Variants in MTUS2 observed in about 807,000 individuals in gnomAD.
The protein encoded by MTUS2 is microtubule-associated tumor suppressor candidate 2.
MTUS2 carries 40 observed loss-of-function variants against 114.1 expected under a neutral mutation model. That is an observed-to-expected ratio of 0.35 (90% CI 0.27 to 0.46). The LOEUF is 0.46. MTUS2 is among the 20% of genes least tolerant of loss of function. The probability of loss-of-function intolerance (pLI) is 1.00; values close to 1 mark genes in which losing one functional copy is unlikely to be tolerated. For missense variants in MTUS2, 1,679 were observed against 1,705.4 expected, an observed-to-expected ratio of 0.98 and a Z score of 0.27; for synonymous variants, 688 against 672.0, an observed-to-expected ratio of 1.02 and a Z score of -0.37.
intron 9 of MTUS2, among the ~76,000 whole-genome samples, chr13:29,442,740 G>A (rs1203867708): frequency 6.6e-6 from 1 of 152,240 alleles, no homozygotes; most frequent in Non-Finnish European, 1.5e-5. Context: ...CACACAGTTT[G>A]CAAACCACAG....
intron 11 of MTUS2, among the ~76,000 whole-genome samples, chr13:29,491,906 A>AGTGTGTGTATGTGAT (rs1882146770): frequency 1.0e-5 from 1 of 99,040 alleles, no homozygotes; most frequent in African/African-American, 4.0e-5. Flanking sequence ...CGTGGCGTGT[A>AGTGTGTGTATGTGAT]GTGTGTGTAT....
Position 29,503,083 on chromosome 13 carries a change from G to C in MTUS2, c.3987G>C (p.Leu1329=). The C allele has an allele frequency of 6.2e-7, 1 of 1,614,244 alleles. No homozygotes were observed. The highest frequency in any genetic ancestry group is 8.5e-7 in the Non-Finnish European group (1 of 1,180,046). The part of the protein sequence containing the change: ...KKRLSRTNEE[L]LWKLQTGDPT... ...GATTGAGCCGAACCAATGAAGAGCTGCTTTGGAAGCTCCAAACTGGGGACC... is the reference window on the plus strand; with the variant it reads ...GATTGAGCCGAACCAATGAAGAGCTCCTTTGGAAGCTCCAAACTGGGGACC... The change falls in exon 16 of 16, where the codon CTG becomes CTC. Residue 1329 remains leucine, a synonymous_variant. Transcript: ENST00000612955.
At chr13:29,156,964 C>T (rs1178778563) in intron 5 of MTUS2, among the ~76,000 whole-genome samples, 2 of 152,120 alleles carry the variant, frequency 1.3e-5, no homozygotes, top group Middle Eastern at 3.2e-3. Flanking sequence ...ATAGTATTGT[C>T]TTTAGAGTCT....
chr13:29,324,653 A>C lies in MTUS2; in HGVS notation c.2847A>C (p.Lys949Asn), dbSNP rs769405689. The change falls in exon 7 of 16, where the codon AAA becomes AAC. Residue 949 changes from lysine (K) to asparagine (N), a missense_variant. By Grantham distance (94) the Lys-to-Asn change is moderately conservative (BLOSUM62 0). Transcript: ENST00000612955. Reference sequence around the variant, plus strand: ...CTCAGAAAGATCAAGATACGAATAAACCTGCTGTTTCATCTCCTAAGAGAG... The same window carrying C: ...CTCAGAAAGATCAAGATACGAATAACCCTGCTGTTTCATCTCCTAAGAGAG... ...KDAQKDQDTNKPAVSSPKRVA... is the reference protein window; with the variant it reads ...KDAQKDQDTNNPAVSSPKRVA... The C allele has an allele frequency of 1.3e-6, 2 of 1,596,676 alleles. No individual in the cohort carries two copies. The highest frequency in any genetic ancestry group is 2.3e-5 in the South Asian group (2 of 87,438).
At chr13:28,984,583 GC>G (rs1209935463) in intron 2 of MTUS2, among the ~76,000 whole-genome samples, 2 of 152,172 alleles carry the variant, frequency 1.3e-5, no homozygotes, top group Non-Finnish European at 2.9e-5. Flanking sequence ...TTGTTTGGAA[GC>G]CCCGTTCTGG....
At chr13:28,855,535 T>G (rs1221867742) in intron 2 of MTUS2, among the ~76,000 whole-genome samples, 1 of 152,222 alleles carries the variant, frequency 6.6e-6, no homozygotes, top group Non-Finnish European at 1.5e-5. Context: ...TTTGGTTTTC[T>G]GTTCCTGTGT....
chr13:29,189,654 T>A (rs373426914), intron 5 of MTUS2, among the ~76,000 whole-genome samples: 95 of 151,982 alleles, frequency 6.3e-4, no homozygotes, highest in African/African-American at 2.1e-3. Context: ...GTCTTGTTTG[T>A]TTTACTTTAT....
chr13:29,004,752 T>C (rs570318619), intron 2 of MTUS2, among the ~76,000 whole-genome samples: 5 of 152,356 alleles, frequency 3.3e-5, no homozygotes, highest in Admixed American at 3.3e-4. Flanking sequence ...GAACCTGCCA[T>C]GGGTGAGGCC....
At position 29,276,926 on chromosome 13, in the gene MTUS2, A is replaced by G. The variant is rs188124317; in HGVS notation, c.2645-4778A>G. On this transcript the variant is annotated intron_variant, in intron 5 of 15. Coordinates refer to ENST00000612955, the MANE Select transcript of MTUS2 (RefSeq NM_001033602.4). ...TAAATAAATAAATAAATAAATGAAT[A>G]AATAAATAAATAAGAAAAAAGAATA... 5.1e-3 allele frequency among the ~76,000 whole-genome samples: 774 copies of G among 152,048 alleles called. 10 individuals are homozygous for G. The highest frequency in any genetic ancestry group is 4.9e-3 in the Non-Finnish European group (332 of 67,968).
chr13:28,827,619 C>T (rs137874238), intron 1 of MTUS2, among the ~76,000 whole-genome samples: 84 of 152,218 alleles, frequency 5.5e-4, no homozygotes, highest in African/African-American at 1.8e-3. Context: ...CAATATTTGA[C>T]GTGGGTCCTT....
At chr13:29,283,822 G>A (rs893152698) in intron 6 of MTUS2, among the ~76,000 whole-genome samples, 1 of 152,062 alleles carries the variant, frequency 6.6e-6, no homozygotes, top group African/African-American at 2.4e-5. Flanking sequence ...GATAATAATC[G>A]GCCTCACTGA....
chr13:29,211,945 A>G (rs1307103865), intron 5 of MTUS2, among the ~76,000 whole-genome samples: 4 of 152,110 alleles, frequency 2.6e-5, no homozygotes, highest in Non-Finnish European at 5.9e-5. Flanking sequence ...GGGAGCCTCA[A>G]GTTAGTCCTG....
In MTUS2 at chr13:29,231,957, A is replaced by T. The variant is rs1429809344; in HGVS notation, c.2645-49747A>T. Among the ~76,000 whole-genome samples, 6 of 152,312 alleles carry T rather than the reference A, an allele frequency of 3.9e-5. No individual in the cohort carries two copies. The East Asian group carries it at 1.2e-3, about 29-fold the overall frequency. On this transcript the variant is annotated intron_variant, in intron 5 of 15. Transcript: ENST00000612955. ...TGGATCTTTATTTTGTTGCTTTAAT[A>T]TGAGGATATAAGAATTTTTTTACTT...
At chr13:29,376,009 GTGTGTA>G (rs199511677) in intron 8 of MTUS2, among the ~76,000 whole-genome samples, 1 of 99,676 alleles carries the variant, frequency 1.0e-5, no homozygotes, top group Admixed American at 1.2e-4. Context: ...ATGTGTGTGT[GTGTGTA>G]TGTATGTGTG....
At chr13:28,958,225 C>A (rs1388841243) in intron 2 of MTUS2, among the ~76,000 whole-genome samples, 1 of 152,248 alleles carries the variant, frequency 6.6e-6, no homozygotes, top group African/African-American at 2.4e-5. Context: ...TCTCCGGCTG[C>A]CCCGGATAGT....
At chr13:28,910,941 T>A (rs888193615) in intron 2 of MTUS2, among the ~76,000 whole-genome samples, 65 of 132,012 alleles carry the variant, frequency 4.9e-4, no homozygotes, top group Non-Finnish European at 3.0e-4. Context: ...AGTGGCGTGA[T>A]CTCGGCTCAG....
chr13:29,138,644 T>C (rs1212441079), intron 5 of MTUS2, among the ~76,000 whole-genome samples: 1 of 151,694 alleles, frequency 6.6e-6, no homozygotes, highest in African/African-American at 2.4e-5. Flanking sequence ...TTCTAAACTA[T>C]AGCGATGGTT....
chr13:29,184,388 C>A (rs1318511262), intron 5 of MTUS2, among the ~76,000 whole-genome samples: 1 of 152,096 alleles, frequency 6.6e-6, no homozygotes, highest in African/African-American at 2.4e-5. Context: ...ACATCATGCT[C>A]CTAGAAATCT....
chr13:29,096,989 T>C (rs75326470), intron 4 of MTUS2, among the ~76,000 whole-genome samples: 3,790 of 152,228 alleles, frequency 0.025, 174 homozygotes, highest in African/African-American at 0.087. Context: ...CCCTGACCTT[T>C]TGACCACTCT....
Sources: allele counts gnomAD v4.1 joint callset (sites outside exome capture counted in the v4.1 genomes callset), GRCh38; gene constraint gnomAD v4.1.1; transcripts MANE v1.5; gene names NCBI Gene and HGNC (gene_info 2026-07-23, HGNC 2026-07-21).